NOTCH2NLB: variants seen among roughly 807,000 people sequenced by gnomAD.
The protein encoded by NOTCH2NLB is notch homolog 2 N-terminal-like protein B.
NOTCH2NLB carries 1 observed loss-of-function variant against 14.8 expected under a neutral mutation model. The observed-to-expected ratio is 0.07, with a 90% CI of 0.02 to 0.32. The LOEUF (loss-of-function observed/expected upper bound fraction) is 0.32. Ranked by LOEUF, NOTCH2NLB falls within the 10% of genes least tolerant of loss-of-function variation. NOTCH2NLB has a pLI of 1.00. For missense variants in NOTCH2NLB, 11 were observed against 155.0 expected (o/e 0.07, Z 4.93); for synonymous variants, 6 against 57.5 (o/e 0.10, Z 4.05).
chr1:148,610,341 G>C (rs1307077880), intron 3 of NOTCH2NLB, among the ~76,000 whole-genome samples: 1 of 98,856 alleles, frequency 1.0e-5, no homozygotes, highest in Admixed American at 1.0e-4. Context: ...AAGAAAGAAA[G>C]AAAGAAAGAA....
intron 3 of NOTCH2NLB, among the ~76,000 whole-genome samples, chr1:148,610,522 G>A (rs1440032641): frequency 1.4e-4 from 11 of 75,886 alleles, no homozygotes; most frequent in African/African-American, 5.7e-4. Context: ...GAGGTATAGC[G>A]CTATCACAAA....
chr1:148,679,867 A>C (rs1226304936), upstream of NOTCH2NLB: 1 of 174,192 alleles, frequency 5.7e-6, no homozygotes, highest in African/African-American at 3.4e-5. Context: ...TTGGGCACCC[A>C]GGGGTTTCCC....
chr1:148,645,812 G>C (rs1286498851), intron 1 of NOTCH2NLB, among the ~76,000 whole-genome samples: 2 of 150,600 alleles, frequency 1.3e-5, no homozygotes, highest in East Asian at 3.8e-4. Context: ...AGCACTACAG[G>C]GTCTTCTAGC....
chr1:148,633,457 G>T (rs1664154247), intron 2 of NOTCH2NLB, among the ~76,000 whole-genome samples: 1 of 78,858 alleles, frequency 1.3e-5, no homozygotes, highest in Non-Finnish European at 2.3e-5. Flanking sequence ...AGAGGCTGAG[G>T]CAGGAGAATG....
chr1:148,637,743 T>C, intron 2 of NOTCH2NLB, among the ~76,000 whole-genome samples: 3 of 134,764 alleles, frequency 2.2e-5, no homozygotes, highest in Non-Finnish European at 4.8e-5. Flanking sequence ...CCCTCCCCTT[T>C]CCCCCCACCC....
exon 1 of NOTCH2NLB, chr1:148,679,554 G>A: frequency 9.1e-7 from 1 of 1,095,988 alleles, no homozygotes; most frequent in Non-Finnish European, 1.2e-6. Flanking sequence ...CGCCTCCTCC[G>A]CCGCCGCCGC....
At chr1:148,638,730 A>T (rs1220446408) in intron 2 of NOTCH2NLB, among the ~76,000 whole-genome samples, 1 of 149,562 alleles carries the variant, frequency 6.7e-6, no homozygotes, top group Non-Finnish European at 1.5e-5. Flanking sequence ...ACTTGAAAAA[A>T]AAATCTTGTT....
chr1:148,660,133 AAAG>A (rs1664612336), intron 1 of NOTCH2NLB, among the ~76,000 whole-genome samples: 1 of 100,138 alleles, frequency 1.0e-5, no homozygotes. Flanking sequence ...TACACTTCAG[AAAG>A]AAGATAACCA....
chr1:148,610,323 GAGAAAGAAAGAAAGAAAGAA>G (rs1294416962), intron 3 of NOTCH2NLB, among the ~76,000 whole-genome samples: 41 of 45,572 alleles, frequency 9.0e-4, no homozygotes, highest in Admixed American at 1.7e-3. Context: ...GAGAAAGAGA[GAGAAAGAAAGAAAGAAAGAA>G]AGAAAGAAAG....
intron 1 of NOTCH2NLB, among the ~76,000 whole-genome samples, chr1:148,673,670 T>C (rs1168711257): frequency 6.6e-6 from 1 of 150,724 alleles, no homozygotes; most frequent in East Asian, 2.0e-4. Context: ...CAAACAACTT[T>C]ACTAACCTTA....
intron 2 of NOTCH2NLB, among the ~76,000 whole-genome samples, chr1:148,638,314 T>G (rs1664262947): frequency 6.7e-6 from 1 of 149,240 alleles, no homozygotes; most frequent in Non-Finnish European, 1.5e-5. Context: ...TAATAGGCAT[T>G]AACTATGCAA....
chr1:148,661,280 G>A (rs1389345635), intron 1 of NOTCH2NLB, among the ~76,000 whole-genome samples: 2 of 148,290 alleles, frequency 1.3e-5, no homozygotes, highest in Non-Finnish European at 3.0e-5. Flanking sequence ...CTTGCCAACT[G>A]AGATTAGGCA....
intron 1 of NOTCH2NLB, among the ~76,000 whole-genome samples, chr1:148,651,193 A>T (rs1664504945): frequency 8.2e-6 from 1 of 122,076 alleles, no homozygotes; most frequent in South Asian, 2.7e-4. Flanking sequence ...ATATATATAT[A>T]TTCCTGAACT....
intron 1 of NOTCH2NLB, among the ~76,000 whole-genome samples, chr1:148,649,844 ATTTT>A (rs1664456895): frequency 8.9e-6 from 1 of 112,108 alleles, no homozygotes; most frequent in Admixed American, 8.8e-5. Flanking sequence ...TAAGTCCTTA[ATTTT>A]AAGTACATGC....
At chr1:148,627,768 T>G (rs1664018108) in intron 2 of NOTCH2NLB, among the ~76,000 whole-genome samples, 1 of 148,772 alleles carries the variant, frequency 6.7e-6, no homozygotes, top group South Asian at 2.2e-4. Context: ...TAGCCCTTAT[T>G]ATGATTATCT....
At chr1:148,661,577 C>T (rs2596029) in intron 1 of NOTCH2NLB, among the ~76,000 whole-genome samples, 5 of 149,940 alleles carry the variant, frequency 3.3e-5, no homozygotes, top group Middle Eastern at 3.2e-3. Context: ...ATGTACCTCA[C>T]GAGTAGCCCT....
In NOTCH2NLB at chr1:148,674,951, C is replaced by CA. The variant is rs1187707749; in HGVS notation, c.3+4510dup. Among the ~76,000 whole-genome samples, 12 of 71,822 alleles carry CA rather than the reference C, an allele frequency of 1.7e-4. 2 individuals are homozygous for CA. Among genetic ancestry groups the CA allele is most frequent in the Non-Finnish European group, 3.7e-4 (12 of 32,214 alleles). The allele number at this position is 71,822 out of a possible 152,430, so 47.1% of individuals were successfully genotyped here. ...ATATCCAACTCAATGAAAAAAATCT[C>CA]AAAAAAAAATTATCAAAATAAATAT... is the stretch of plus-strand genomic sequence containing the variant. On this transcript the variant is annotated intron_variant, in intron 1 of 4. Coordinates refer to ENST00000593495, the Ensembl canonical transcript of NOTCH2NLB.
At chr1:148,686,497 CCT>C in the NOTCH2NLB span, among the ~76,000 whole-genome samples, 1,449 of 20,512 alleles carry the variant, frequency 0.071, 9 homozygotes, top group African/African-American at 0.16. Context: ...ACAGTTCACA[CCT>C]CTGTTTCTTT....
chr1:148,609,088 T>C (rs2149598723), intron 3 of NOTCH2NLB, among the ~76,000 whole-genome samples: 1 of 136,666 alleles, frequency 7.3e-6, no homozygotes, highest in Admixed American at 7.2e-5. Context: ...AAGAACTCCT[T>C]GAATTATTAT....
Sources: allele counts gnomAD v4.1 joint callset (sites outside exome capture counted in the v4.1 genomes callset), GRCh38; gene constraint gnomAD v4.1.1; transcripts MANE v1.5; gene names NCBI Gene and HGNC (gene_info 2026-07-23, HGNC 2026-07-21).